Variants in ZNF445 observed in about 807,000 individuals in gnomAD.
ZNF445 encodes the protein zinc finger protein 168.
Under a neutral mutation model 93.9 loss-of-function variants are expected in ZNF445, and 19 were observed. The ratio of observed to expected loss-of-function variants is 0.20; its 90% CI spans 0.14 to 0.30. ZNF445 has a LOEUF of 0.30. ZNF445 is among the 10% of genes least tolerant of loss of function. The probability of loss-of-function intolerance (pLI) is 1.00; values close to 1 mark genes in which losing one functional copy is unlikely to be tolerated. For synonymous variants in ZNF445, 449 were observed against 446.3 expected (o/e 1.01, Z -0.08); for missense variants, 1,058 against 1,259.4 (o/e 0.84, Z 2.42).
In ZNF445 at chr3:44,437,296, G is replaced by A. The variant is rs1697701052; in HGVS notation, c.*9279C>T. 2.0e-5 allele frequency: 3 copies of A among 152,138 alleles called. No individual in the cohort carries two copies. Among genetic ancestry groups the A allele is most frequent in the Admixed American group, 1.3e-4 (2 of 15,280 alleles). 9.4% of individuals were successfully genotyped at this position (152,138 alleles called of 1,614,324 possible). ...TTACTGCAACCTGCTTTATCAGCAA[G>A]GTCTTTGTGGCCTGGATCTTGTGCC... On this transcript the variant is annotated 3_prime_UTR_variant, in exon 8 of 8. Transcript: ENST00000396077.
At chr3:44,459,862 A>G (rs969738922) in intron 1 of ZNF445, among the ~76,000 whole-genome samples, 1 of 152,226 alleles carries the variant, frequency 6.6e-6, no homozygotes, top group Non-Finnish European at 1.5e-5. Context: ...AAAGATTTAC[A>G]ATAAAAAGGC....
At chr3:44,449,782 A>C (rs1210999531) in intron 6 of ZNF445, among the ~76,000 whole-genome samples, 159 bp from the exon 7 acceptor site, 1 of 152,232 alleles carries the variant, frequency 6.6e-6, no homozygotes, top group East Asian at 1.9e-4. Flanking sequence ...AATAGCCCTG[A>C]GCAGAGATAA....
In ZNF445 at chr3:44,446,820, G is replaced by A. The variant is rs1297302060; in HGVS notation, c.2851C>T (p.Pro951Ser). ...LQKLKPSEEM[P>S]LEDCKEACSQ... ...CAAGCTTCTTTGCAGTCTTCGAGGG[G>A]CATCTCTTCACTTGGTTTTAGCTTC... Residue 951 changes from proline (P) to serine (S), a missense_variant, in exon 8 of 8, where the codon CCC becomes TCC. Transcript: ENST00000396077. This position sits in a 1 kb window ranked among gnomAD's most constrained non-coding sequence, Gnocchi z 4.2. The A allele has an allele frequency of 3.1e-6, 5 of 1,614,150 alleles. No individual in the cohort carries two copies. The highest frequency in any genetic ancestry group is 4.5e-5 in the East Asian group (2 of 44,888).
intron 3 of ZNF445, among the ~76,000 whole-genome samples, chr3:44,453,300 T>A (rs56062011): frequency 0.36 from 54,232 of 151,430 alleles, 10,658 homozygotes; most frequent in East Asian, 0.75. Flanking sequence ...TTTTTTTTTT[T>A]TAATTTTTTT....
Position 44,432,606 on chromosome 3 carries a change from A to G in ZNF445, c.*13969T>C, listed in dbSNP as rs1436046680. ...GTGATTGGATGAAGCCCACCCACAG[A>G]TAGAGGGCAATCTGCTTTCCTCAAA... is the stretch of plus-strand genomic sequence containing the variant. On this transcript the variant is annotated 3_prime_UTR_variant, in exon 8 of 8. Transcript: ENST00000396077. 1 of 152,204 alleles carries G rather than the reference A, an allele frequency of 6.6e-6. No homozygotes were observed. The highest frequency in any genetic ancestry group is 2.4e-5 in the African/African-American group (1 of 41,434). 9.4% of individuals were successfully genotyped at this position (152,204 alleles called of 1,614,324 possible). A position where few individuals can be genotyped will look rare whatever the true frequency, so the allele number is the denominator to read the frequency against.
At chr3:44,470,098 T>A (rs1247747988) in intron 1 of ZNF445, among the ~76,000 whole-genome samples, 1 of 151,870 alleles carries the variant, frequency 6.6e-6, no homozygotes, top group Non-Finnish European at 1.5e-5. Context: ...TCTGCCTGAC[T>A]TTTTTTTAGC....
In ZNF445 at chr3:44,447,456, C is replaced by T; in HGVS notation, c.2215G>A (p.Gly739Ser). 6.2e-7 allele frequency: 1 copy of T among 1,614,148 alleles called. No individual in the cohort carries two copies. Among genetic ancestry groups the T allele is most frequent in the Non-Finnish European group, 8.5e-7 (1 of 1,180,012 alleles). Reference protein sequence around the residue: ...KKHAMKRKPEGGPSFSQDTVF... With the variant: ...KKHAMKRKPESGPSFSQDTVF... ...GTGTCCTGACTAAAAGATGGCCCGC[C>T]CTCAGGTTTTCTTTTCATGGCATGC... The change falls in exon 8 of 8, where the codon GGC (glycine) becomes AGC (serine). Residue 739 changes from glycine to serine, a missense_variant. Around this residue, in one of 3 missense-constraint regions of ZNF445, gnomAD observed 387 missense variants for 475.7 expected, o/e 0.81. Coordinates refer to ENST00000396077, the MANE Select transcript of ZNF445 (RefSeq NM_181489.6). The surrounding 1 kb of genome is among the most constrained non-coding windows in gnomAD (Gnocchi z 4.7).
In ZNF445 at chr3:44,435,225, T is replaced by C. The variant is rs1697652237; in HGVS notation, c.*11350A>G. On this transcript the variant is annotated 3_prime_UTR_variant, in exon 8 of 8. Coordinates refer to ENST00000396077, the MANE Select transcript of ZNF445 (RefSeq NM_181489.6). ...AACCTATAAATCTCTCTAAGCCTCA[T>C]CTTTGGGGAGGTGAATTTGAGAGCC... 6.6e-6 allele frequency: 1 copy of C among 152,158 alleles called. No homozygotes were observed. The highest frequency in any genetic ancestry group is 6.5e-5 in the Admixed American group (1 of 15,272). 9.4% of individuals were successfully genotyped at this position (152,158 alleles called of 1,614,324 possible). A position where few individuals can be genotyped will look rare whatever the true frequency, so the allele number is the denominator to read the frequency against.
chr3:44,448,018 T>A lies in ZNF445; in HGVS notation c.1653A>T (p.Arg551=). ...YKCDLCEKAF[R]RLSAYRLHRE... The stretch of plus-strand genomic sequence containing the variant: ...GGTGCAGACGGTAGGCTGACAGGCG[T>A]CGGAAAGCTTTCTCACATAAATCGC... Residue 551 remains arginine, a synonymous_variant, in exon 8 of 8, where the codon CGA becomes CGT. Coordinates refer to ENST00000396077, the MANE Select transcript of ZNF445 (RefSeq NM_181489.6). 2 of 1,611,344 alleles carry A rather than the reference T, an allele frequency of 1.2e-6. No homozygotes were observed. Among genetic ancestry groups the A allele is most frequent in the South Asian group, 2.2e-5 (2 of 91,064 alleles).
chr3:44,474,024 G>C (rs575075932), intron 1 of ZNF445, among the ~76,000 whole-genome samples: 1 of 152,214 alleles, frequency 6.6e-6, no homozygotes, highest in South Asian at 2.1e-4. Flanking sequence ...CAACACCACA[G>C]TAGTCATTGC....
At position 44,455,253 on chromosome 3, in the gene ZNF445, C is replaced by A. The variant is rs140933548; in HGVS notation, c.297G>T (p.Val99=). 2.5e-5 allele frequency: 40 copies of A among 1,614,106 alleles called. No individual in the cohort carries two copies. In the African/African-American group the frequency reaches 5.1e-4, roughly 20 times the overall value. Residue 99 remains valine, a synonymous_variant, in exon 3 of 8, where the codon GTG becomes GTT. Coordinates refer to ENST00000396077, the MANE Select transcript of ZNF445 (RefSeq NM_181489.6). ...GCAGGATGCTCAGGAACTGTTCCAGCACCAGCAGCTCTAGGATCTGTGCCT... is the reference window on the plus strand; with the variant it reads ...GCAGGATGCTCAGGAACTGTTCCAGAACCAGCAGCTCTAGGATCTGTGCCT... ...LSKAQILELL[V]LEQFLSILPG...
At position 44,446,762 on chromosome 3, in the gene ZNF445, T is replaced by C. The variant is rs750155080; in HGVS notation, c.2909A>G (p.Asp970Gly). Reference protein sequence around the residue: ...SQSSRLTGLQDISIGKKCHKC... With the variant: ...SQSSRLTGLQGISIGKKCHKC... ...GTGGCACTTTTTCCCAATGCTTATG[T>C]CCTGGAGTCCAGTGAGCCTGGAGCT... is the stretch of plus-strand genomic sequence containing the variant. The change falls in exon 8 of 8, where the codon GAC (aspartate) becomes GGC (glycine). Residue 970 changes from aspartate to glycine, a missense_variant. Around this residue, in one of 3 missense-constraint regions of ZNF445, gnomAD observed 387 missense variants for 475.7 expected, o/e 0.81. Coordinates refer to ENST00000396077, the MANE Select transcript of ZNF445 (RefSeq NM_181489.6). The surrounding 1 kb of genome is among the most constrained non-coding windows in gnomAD (Gnocchi z 4.2). The C allele has an allele frequency of 1.7e-5, 27 of 1,614,106 alleles. No homozygotes were observed. The Admixed American group carries it at 4.3e-4, about 26-fold the overall frequency.
chr3:44,463,393 G>A (rs1357844664), intron 1 of ZNF445, among the ~76,000 whole-genome samples: 1 of 152,040 alleles, frequency 6.6e-6, no homozygotes, highest in Non-Finnish European at 1.5e-5. Context: ...TGGTAGCCTG[G>A]GACTCATTGG....
chr3:44,454,881 T>C, intron 3 of ZNF445: 1 of 560,130 alleles, frequency 1.8e-6, no homozygotes, highest in Non-Finnish European at 3.2e-6. Flanking sequence ...TGCTGTTATT[T>C]ATGGAGACTT....
chr3:44,472,212 T>G (rs914807297), intron 1 of ZNF445, among the ~76,000 whole-genome samples: 2 of 152,086 alleles, frequency 1.3e-5, no homozygotes, highest in Non-Finnish European at 2.9e-5. Flanking sequence ...ATGTACCCAG[T>G]GAAAAATATA....
rs188440677 is a variant in ZNF445, at chr3:44,472,052, A to C, written c.-269+5539T>G. ...GAAAGCTGAAAAACAGAAAAAGAAG[A>C]GAGACTTTCATGGCCAAACTTGCAG... On this transcript the variant is annotated intron_variant, in intron 1 of 7. Coordinates refer to ENST00000396077, the MANE Select transcript of ZNF445 (RefSeq NM_181489.6). 2.0e-5 allele frequency among the ~76,000 whole-genome samples: 3 copies of C among 152,322 alleles called. No homozygotes were observed. The East Asian group carries it at 5.8e-4, about 29-fold the overall frequency.
At chr3:44,476,019 TAAAC>T (rs1187963142) in intron 1 of ZNF445, among the ~76,000 whole-genome samples, 2 of 150,768 alleles carry the variant, frequency 1.3e-5, no homozygotes, top group East Asian at 3.9e-4. Flanking sequence ...ATAAATAAAA[TAAAC>T]AAGGAAAAAG....
rs527455014 is a variant in ZNF445, at chr3:44,475,333, G to C, written c.-269+2258C>G. ...CCTGCCTCAGCCTCCCAAGTAGCTG[G>C]GATTACAGGTGCCCGCCACCATGCC... is the stretch of plus-strand genomic sequence containing the variant. On this transcript the variant is annotated intron_variant, in intron 1 of 7. Transcript: ENST00000396077. Among the ~76,000 whole-genome samples the C allele has an allele frequency of 5.6e-3, 858 of 151,948 alleles. 7 individuals are homozygous for C. The highest frequency in any genetic ancestry group is 0.017 in the Middle Eastern group (5 of 294).
chr3:44,469,456 T>C lies in ZNF445; in HGVS notation c.-269+8135A>G, dbSNP rs543928367. Among the ~76,000 whole-genome samples the C allele has an allele frequency of 2.0e-4, 30 of 152,320 alleles. No homozygotes were observed. The South Asian group carries it at 5.4e-3, about 27-fold the overall frequency. On this transcript the variant is annotated intron_variant, in intron 1 of 7. Transcript: ENST00000396077. The stretch of plus-strand genomic sequence containing the variant: ...AGATAGGAACATGCATGACGGCTGC[T>C]GATTCATGCACTCAGAAACAGAACA...
Sources: allele counts gnomAD v4.1 joint callset (sites outside exome capture counted in the v4.1 genomes callset), GRCh38; gene constraint gnomAD v4.1.1; regional missense constraint gnomAD v4.1.1; non-coding constraint Gnocchi (gnomAD v3.1); transcripts MANE v1.5; gene names NCBI Gene and HGNC (gene_info 2026-07-23, HGNC 2026-07-21).